The following PCNX1 variants were observed in gnomAD, a reference collection of about 807,000 sequenced individuals.
PCNX1 encodes the protein pecanex-like protein 1.
PCNX1 carries 78 observed loss-of-function variants against 242.2 expected under a neutral mutation model. The observed-to-expected ratio is 0.32, with a 90% CI of 0.27 to 0.39. The LOEUF (loss-of-function observed/expected upper bound fraction) is 0.39, where lower values mean the gene tolerates loss of function less well. Ranked by LOEUF, PCNX1 falls within the 10% of genes least tolerant of loss-of-function variation. PCNX1 has a pLI of 1.00. For missense variants in PCNX1, 2,581 were observed against 2,856.5 expected (o/e 0.90, Z 2.20); for synonymous variants, 1,024 against 1,032.9 (o/e 0.99, Z 0.17).
chr14:71,003,230 C>T (rs923689161), intron 8 of PCNX1, among the ~76,000 whole-genome samples: 1 of 151,734 alleles, frequency 6.6e-6, no homozygotes, highest in Non-Finnish European at 1.5e-5. Flanking sequence ...ATTACAGGTG[C>T]GTGCCACCGT....
chr14:71,011,102 C>T (rs1339145054), intron 9 of PCNX1, among the ~76,000 whole-genome samples: 1 of 152,090 alleles, frequency 6.6e-6, no homozygotes, highest in East Asian at 1.9e-4. Context: ...ACTGTGGAAA[C>T]TGACTTATGT....
At chr14:70,992,259 T>C (rs946970813) in intron 7 of PCNX1, among the ~76,000 whole-genome samples, 1 of 152,154 alleles carries the variant, frequency 6.6e-6, no homozygotes, top group Non-Finnish European at 1.5e-5. Flanking sequence ...AAATCATCAG[T>C]GCATTTCAGG....
rs2059789441 is a variant in PCNX1 at position 71,010,345 on chromosome 14, T to C, written c.2720+621T>C. Among the ~76,000 whole-genome samples, 3 of 152,076 alleles carry C rather than the reference T, an allele frequency of 2.0e-5. No individual in the cohort carries two copies. In the South Asian group the frequency reaches 6.2e-4, roughly 31 times the overall value. ...GTTCTTACATAACTAAGTTCAAACC[T>C]ATTGGTTCTCTTTCTTTATGTAATT... On this transcript the variant is annotated intron_variant, in intron 9 of 35. Transcript: ENST00000304743.
chr14:71,109,894 G>A lies in PCNX1; in HGVS notation c.6985G>A (p.Val2329Ile), dbSNP rs769850811. 13 of 1,612,966 alleles carry A rather than the reference G, an allele frequency of 8.1e-6. No homozygotes were observed. In the Admixed American group the frequency reaches 1.3e-4, roughly 17 times the overall value. ...LVQIDDKYVT[V>I]IETGVLELGA... ...CCAGATTGATGATAAATATGTGACT[G>A]TAATTGAAACTGGGGTACTAGAACT... Residue 2329 changes from valine to isoleucine, a missense_variant, in exon 36 of 36, where the codon GTA (valine) becomes ATA (isoleucine). Physicochemically the swap from Val to Ile is conservative, Grantham distance 29. This residue lies in a region of PCNX1 where 432 missense variants were observed against 433.6 expected (regional missense o/e 1.00). Coordinates refer to ENST00000304743, the MANE Select transcript of PCNX1 (RefSeq NM_014982.3).
intron 28 of PCNX1, among the ~76,000 whole-genome samples, chr14:71,084,438 A>G (rs2061932970): frequency 6.6e-6 from 1 of 152,178 alleles, no homozygotes; most frequent in South Asian, 2.1e-4. Flanking sequence ...AGTCTGCTGA[A>G]GCTGTGCCCA....
chr14:71,083,961 A>G (rs954740688), intron 28 of PCNX1, among the ~76,000 whole-genome samples: 7 of 152,118 alleles, frequency 4.6e-5, no homozygotes, highest in African/African-American at 1.7e-4. Context: ...GCCTTTTTGC[A>G]CTGGTTTTTC....
intron 28 of PCNX1, among the ~76,000 whole-genome samples, chr14:71,079,818 G>A (rs1276765224): frequency 6.6e-6 from 1 of 151,986 alleles, no homozygotes; most frequent in South Asian, 2.1e-4. Flanking sequence ...CCATTCTGTA[G>A]GTTGCCTGTT....
At position 71,031,724 on chromosome 14, in the gene PCNX1, C is replaced by G. The variant is rs1400833346; in HGVS notation, c.3559-1705C>G. On this transcript the variant is annotated intron_variant, in intron 16 of 35. Transcript: ENST00000304743. ...GCTAAGTGGCCTTTGGCCTTGAACT[C>G]TGATGTTTTCTCTCTCACATCAACG... The G allele has an allele frequency of 2.5e-5, 26 of 1,046,918 alleles. No individual in the cohort carries two copies. The East Asian group carries it at 6.1e-4, about 24-fold the overall frequency. The allele number at this position is 1,046,918 out of a possible 1,614,324, so 64.9% of individuals were successfully genotyped here. A position where few individuals can be genotyped will look rare whatever the true frequency, so the allele number is the denominator to read the frequency against.
At chr14:70,933,886 A>G (rs902819753) in intron 1 of PCNX1, among the ~76,000 whole-genome samples, 3 of 152,230 alleles carry the variant, frequency 2.0e-5, no homozygotes, top group African/African-American at 4.8e-5. Flanking sequence ...GAAAAGATGC[A>G]TTGAAATCCA....
chr14:70,979,931 C>A (rs1035787181), intron 6 of PCNX1, among the ~76,000 whole-genome samples: 2 of 150,908 alleles, frequency 1.3e-5, no homozygotes, highest in Non-Finnish European at 3.0e-5. Flanking sequence ...TAATTAAATT[C>A]CCTCGAGTCT....
intron 1 of PCNX1, among the ~76,000 whole-genome samples, chr14:70,919,658 A>G (rs1000110312): frequency 1.4e-5 from 2 of 144,954 alleles, no homozygotes; most frequent in South Asian, 4.5e-4. Context: ...TTTACTAAAT[A>G]CTATAGATGA....
chr14:70,955,709 C>A (rs984505096), intron 2 of PCNX1, among the ~76,000 whole-genome samples: 2 of 152,144 alleles, frequency 1.3e-5, no homozygotes, highest in African/African-American at 4.8e-5. Flanking sequence ...CTGAAATCTC[C>A]ATTGCTGCAA....
At chr14:71,079,307 C>T (rs373196161) in intron 28 of PCNX1, among the ~76,000 whole-genome samples, 27 of 152,276 alleles carry the variant, frequency 1.8e-4, no homozygotes, top group African/African-American at 6.5e-4. Context: ...AATAAATATA[C>T]ATGTGCATGT....
Position 71,026,861 on chromosome 14 carries a change from A to G in PCNX1, c.3445A>G (p.Ile1149Val), listed in dbSNP as rs1248355764. 1.3e-6 allele frequency: 2 copies of G among 1,533,572 alleles called. No homozygotes were observed. Among genetic ancestry groups the G allele is most frequent in the Admixed American group, 3.4e-5 (2 of 59,582 alleles). 95.0% of individuals were successfully genotyped at this position (1,533,572 alleles called of 1,614,324 possible). A position where few individuals can be genotyped will look rare whatever the true frequency, so the allele number is the denominator to read the frequency against. The change falls in exon 15 of 36, where the codon ATT becomes GTT. Residue 1149 changes from isoleucine to valine, a missense_variant. Ile to Val is a conservative substitution (Grantham distance 29). Around this residue, in one of 9 missense-constraint regions of PCNX1, gnomAD observed 432 missense variants for 443.1 expected, o/e 0.97. Coordinates refer to ENST00000304743, the MANE Select transcript of PCNX1 (RefSeq NM_014982.3). ...AATGTACCTTTGTGAACAATTGGAT[A>G]TTCATATTTTTGGTGGTAATGGTGA... ...FVMYLCEQLD[I>V]HIFGGNATTS...
At chr14:70,981,151 A>C (rs1017294856) in intron 6 of PCNX1, among the ~76,000 whole-genome samples, 2 of 152,134 alleles carry the variant, frequency 1.3e-5, no homozygotes, top group African/African-American at 4.8e-5. Flanking sequence ...TGATTATAGT[A>C]TCTATCTCAT....
In PCNX1 at chr14:71,108,778, G is replaced by A. The variant is rs371866394; in HGVS notation, c.6476G>A (p.Arg2159Gln). The A allele has an allele frequency of 1.3e-5, 21 of 1,614,126 alleles. No individual in the cohort carries two copies. The highest frequency in any genetic ancestry group is 2.2e-5 in the East Asian group (1 of 44,894). ...RRSSTSQISLRNLPSSIQSRL... is the reference protein window; with the variant it reads ...RRSSTSQISLQNLPSSIQSRL... ...TCTTCTACTAGTCAGATATCGCTTC[G>A]AAACTTGCCATCATCCATCCAATCC... Residue 2159 changes from arginine (R) to glutamine (Q), a missense_variant, in exon 34 of 36, where the codon CGA (arginine) becomes CAA (glutamine). Arg to Gln is a conservative substitution (Grantham distance 43). Transcript: ENST00000304743.
intron 16 of PCNX1, among the ~76,000 whole-genome samples, chr14:71,029,184 A>G (rs1422018855): frequency 2.0e-5 from 3 of 152,154 alleles, no homozygotes; most frequent in East Asian, 3.8e-4. Context: ...GCAATTTAAG[A>G]TACATGCTAA....
intron 1 of PCNX1, among the ~76,000 whole-genome samples, chr14:70,915,351 CTGATT>C (rs1187990883): frequency 2.6e-5 from 4 of 152,110 alleles, no homozygotes; most frequent in Non-Finnish European, 4.4e-5. Flanking sequence ...TTCAGCTGTT[CTGATT>C]TATTTGTCTA....
At chr14:70,910,436 A>G (rs552563833) in intron 1 of PCNX1, among the ~76,000 whole-genome samples, 3 of 151,516 alleles carry the variant, frequency 2.0e-5, no homozygotes, top group Admixed American at 2.0e-4. Flanking sequence ...TCTTGTCTCA[A>G]CCACACACAC....
Sources: gnomAD v4.1 joint callset for allele counts (sites outside exome capture counted in the v4.1 genomes callset) on GRCh38, gnomAD v4.1.1 for gene constraint, gnomAD v4.1.1 regional missense constraint, MANE v1.5 for transcripts, NCBI Gene and HGNC (gene_info 2026-07-23, HGNC 2026-07-21) for gene names.